ILDR2: variants seen among roughly 807,000 people sequenced by gnomAD.
ILDR2 encodes immunoglobulin-like domain-containing receptor 2.
ILDR2 carries 25 observed loss-of-function variants against 66.8 expected under a neutral mutation model. That is an observed-to-expected ratio of 0.37 (90% confidence interval 0.27 to 0.52). ILDR2 has a LOEUF of 0.52. Ranked by LOEUF, ILDR2 falls within the 20% of genes least tolerant of loss-of-function variation. The pLI, the probability that ILDR2 is intolerant of heterozygous loss-of-function variation, is 0.88. For synonymous variants in ILDR2, 367 were observed against 357.2 expected (o/e 1.03, Z -0.31); for missense variants, 827 against 876.8 (o/e 0.94, Z 0.72).
In ILDR2 at chr1:166,921,286, G is replaced by A; in HGVS notation, c.1305C>T (p.Asp435=). 1 of 1,599,038 alleles carries A rather than the reference G, an allele frequency of 6.3e-7. No individual in the cohort carries two copies. The highest frequency in any genetic ancestry group is 8.5e-7 in the Non-Finnish European group (1 of 1,172,518). Residue 435 remains aspartate, a synonymous_variant, in exon 9 of 10, where the codon GAC becomes GAT. Transcript: ENST00000271417. The surrounding 1 kb of genome is among the most constrained non-coding windows in gnomAD (Gnocchi z 5.3). ...VSMDELAAFA[D]SYGQRPRRAD... The stretch of plus-strand genomic sequence containing the variant: ...CCCGGCGGGGCCGCTGGCCGTAGGA[G>A]TCAGCGAAGGCCGCCAGCTCGTCCA...
downstream of ILDR2, among the ~76,000 whole-genome samples, chr1:166,904,125 A>G (rs533157939): frequency 2.0e-5 from 3 of 152,376 alleles, no homozygotes; most frequent in South Asian, 6.2e-4. Context: ...TTGTATAGAC[A>G]TAATTAGTGC....
chr1:166,924,793 T>C (rs1490158780), intron 7 of ILDR2, among the ~76,000 whole-genome samples: 3 of 152,054 alleles, frequency 2.0e-5, no homozygotes, highest in African/African-American at 4.8e-5. Flanking sequence ...TGAGGGAGGA[T>C]TGCTTGAGCC....
Position 166,909,770 on chromosome 1 carries a change from A to ATATATATATATAT in ILDR2, c.*9584_*9585insATATATATATATA, listed in dbSNP as rs1659430024. The ATATATATATATAT allele has an allele frequency of 3.0e-5, 2 of 66,240 alleles. No homozygotes were observed. The highest frequency in any genetic ancestry group is 1.5e-4 in the African/African-American group (2 of 13,534). 4.1% of individuals were successfully genotyped at this position (66,240 alleles called of 1,614,324 possible). A position where few individuals can be genotyped will look rare whatever the true frequency, so the allele number is the denominator to read the frequency against. On this transcript the variant is annotated 3_prime_UTR_variant, in exon 10 of 10. Coordinates refer to ENST00000271417, the MANE Select transcript of ILDR2 (RefSeq NM_199351.3). ...ATATATATATATATAAATATATATA[A>ATATATATATATAT]ATATATATATTTATATATATATATA...
intron 2 of ILDR2, among the ~76,000 whole-genome samples, chr1:166,902,625 T>C (rs1344981824): frequency 1.3e-5 from 2 of 152,342 alleles, no homozygotes; most frequent in African/African-American, 2.4e-5. Flanking sequence ...GAACCAGCAT[T>C]AGAATGAAGC....
At chr1:166,951,910 T>A (rs546837322) in intron 3 of ILDR2, among the ~76,000 whole-genome samples, 12 of 152,310 alleles carry the variant, frequency 7.9e-5, no homozygotes, top group African/African-American at 2.9e-4. Context: ...TAAACACCCC[T>A]TCCCTCATAT....
rs997187763 is a variant in ILDR2, at chr1:166,910,034, T to C, written c.*9321A>G. On this transcript the variant is annotated 3_prime_UTR_variant, in exon 10 of 10. Transcript: ENST00000271417. ...AGAGAGAGAACAAGAGACAGAGAGA[T>C]TGATTCATCTTTGTACAGCTGAAGA... 1.3e-5 allele frequency: 2 copies of C among 151,764 alleles called. No homozygotes were observed. The highest frequency in any genetic ancestry group is 2.4e-5 in the African/African-American group (1 of 41,294). 9.4% of individuals were successfully genotyped at this position (151,764 alleles called of 1,614,324 possible).
chr1:166,940,569 T>C (rs187271488), intron 3 of ILDR2, among the ~76,000 whole-genome samples: 55 of 152,286 alleles, frequency 3.6e-4, no homozygotes, highest in Non-Finnish European at 6.3e-4. Flanking sequence ...ACCTGACATA[T>C]ACCTCTAGAA....
rs919777643 is a variant in ILDR2 at position 166,911,745 on chromosome 1, A to T, written c.*7610T>A. 3 of 152,030 alleles carry T rather than the reference A, an allele frequency of 2.0e-5. No homozygotes were observed. Among genetic ancestry groups the T allele is most frequent in the African/African-American group, 7.2e-5 (3 of 41,452 alleles). The allele number at this position is 152,030 out of a possible 1,614,324, so 9.4% of individuals were successfully genotyped here. A position where few individuals can be genotyped will look rare whatever the true frequency, so the allele number is the denominator to read the frequency against. ...AACTCCTAGAAATGAAATACATATTAATTAAAATTAAAACTCAAATAAAGG... is the reference window on the plus strand; with the variant it reads ...AACTCCTAGAAATGAAATACATATTTATTAAAATTAAAACTCAAATAAAGG... On this transcript the variant is annotated 3_prime_UTR_variant, in exon 10 of 10. Coordinates refer to ENST00000271417, the MANE Select transcript of ILDR2 (RefSeq NM_199351.3).
chr1:166,920,081 T>C (rs955963685), intron 9 of ILDR2, among the ~76,000 whole-genome samples: 5 of 152,178 alleles, frequency 3.3e-5, no homozygotes, highest in African/African-American at 9.7e-5. Context: ...ATGAAGTCTA[T>C]ATAAGACCAC....
rs994202947 is a variant in ILDR2, at chr1:166,921,081, G to T, written c.1510C>A (p.Pro504Thr). 5 of 1,493,436 alleles carry T rather than the reference G, an allele frequency of 3.3e-6. No individual in the cohort carries two copies. The highest frequency in any genetic ancestry group is 2.9e-5 in the African/African-American group (2 of 68,868). The allele number at this position is 1,493,436 out of a possible 1,614,324, so 92.5% of individuals were successfully genotyped here. A position where few individuals can be genotyped will look rare whatever the true frequency, so the allele number is the denominator to read the frequency against. Residue 504 changes from proline to threonine, a missense_variant, in exon 9 of 10, where the codon CCC becomes ACC. Physicochemically the swap from Pro to Thr is conservative, Grantham distance 38. This residue lies in a region of ILDR2 where 390 missense variants were observed against 353.6 expected (regional missense o/e 1.10). Coordinates refer to ENST00000271417, the MANE Select transcript of ILDR2 (RefSeq NM_199351.3). The surrounding 1 kb of genome is among the most constrained non-coding windows in gnomAD (Gnocchi z 5.3). ...CGCGGCAGGTGCGCGTCCTCGGCGGGTCTGCGGCGCGCGGGGCTGAAGGCC... is the reference window on the plus strand; with the variant it reads ...CGCGGCAGGTGCGCGTCCTCGGCGGTTCTGCGGCGCGCGGGGCTGAAGGCC... The part of the protein sequence containing the change: ...GWAFSPARRR[P>T]AEDAHLPRLV...
intron 2 of ILDR2, chr1:166,896,227 T>A (rs996802246): frequency 6.5e-6 from 1 of 152,680 alleles, no homozygotes; most frequent in Non-Finnish European, 1.5e-5. Context: ...CAAGTCAGCA[T>A]GGACAAAGGT....
chr1:166,932,886 A>C (rs1382042447), intron 6 of ILDR2, among the ~76,000 whole-genome samples: 1 of 152,268 alleles, frequency 6.6e-6, no homozygotes, highest in Non-Finnish European at 1.5e-5. Flanking sequence ...AACATTTCTT[A>C]ACATTTTTAA....
At chr1:166,896,236 G>C (rs952438658) in intron 2 of ILDR2, 2 of 152,796 alleles carry the variant, frequency 1.3e-5, no homozygotes, top group African/African-American at 4.8e-5. Flanking sequence ...ATGGACAAAG[G>C]TGTAGAAGTG....
At position 166,918,180 on chromosome 1, in the gene ILDR2, C is replaced by A. The variant is rs1483407410; in HGVS notation, c.*1175G>T. The A allele has an allele frequency of 6.6e-6, 1 of 152,168 alleles. No homozygotes were observed. Among genetic ancestry groups the A allele is most frequent in the Non-Finnish European group, 1.5e-5 (1 of 68,036 alleles). 9.4% of individuals were successfully genotyped at this position (152,168 alleles called of 1,614,324 possible). A position where few individuals can be genotyped will look rare whatever the true frequency, so the allele number is the denominator to read the frequency against. On this transcript the variant is annotated 3_prime_UTR_variant, in exon 10 of 10. Transcript: ENST00000271417. ...GGCAAGGGTGGGAATAGGAAGTACT[C>A]CTTCCTGAGAAAGCAGTATCTCTAA...
chr1:166,940,897 G>A (rs1416480525), intron 3 of ILDR2, among the ~76,000 whole-genome samples: 1 of 152,174 alleles, frequency 6.6e-6, no homozygotes, highest in Non-Finnish European at 1.5e-5. Flanking sequence ...TAAGGTCATG[G>A]TTGGTCACTT....
intron 2 of ILDR2, among the ~76,000 whole-genome samples, chr1:166,899,249 CG>C (rs539989178): frequency 2.0e-5 from 3 of 151,584 alleles, no homozygotes; most frequent in Non-Finnish European, 4.4e-5. Flanking sequence ...AAAAATTGGC[CG>C]GGCATAGTGG....
At chr1:166,942,776 T>C (rs1661381866) in intron 3 of ILDR2, among the ~76,000 whole-genome samples, 1 of 152,198 alleles carries the variant, frequency 6.6e-6, no homozygotes, top group Non-Finnish European at 1.5e-5. Flanking sequence ...TTGGAAACAA[T>C]AGTATTATGC....
At chr1:166,935,704 T>C (rs149182309) in intron 5 of ILDR2, among the ~76,000 whole-genome samples, 3 of 152,320 alleles carry the variant, frequency 2.0e-5, no homozygotes, top group East Asian at 3.9e-4. Context: ...TTACAATGTT[T>C]AGTACCTGGC....
intron 1 of ILDR2, among the ~76,000 whole-genome samples, chr1:166,964,508 A>C (rs532949517): frequency 6.6e-5 from 10 of 152,344 alleles, no homozygotes; most frequent in South Asian, 6.2e-4. Flanking sequence ...GTGAAGCTAA[A>C]AAATGTGGAA....
Sources: allele counts gnomAD v4.1 joint callset (sites outside exome capture counted in the v4.1 genomes callset), GRCh38; gene constraint gnomAD v4.1.1; regional missense constraint gnomAD v4.1.1; non-coding constraint Gnocchi (gnomAD v3.1); transcripts MANE v1.5; gene names NCBI Gene and HGNC (gene_info 2026-07-23, HGNC 2026-07-21).